MAP3K14: variants seen among roughly 807,000 people sequenced by gnomAD.
MAP3K14 encodes NF-kappa-beta-inducing kinase.
In MAP3K14, 16 loss-of-function variants were observed where a neutral mutation model predicts 99.2. The observed-to-expected ratio is 0.16, with a 90% CI of 0.11 to 0.24. MAP3K14 has a LOEUF of 0.24. MAP3K14 is among the 10% of genes least tolerant of loss of function. The pLI is 1.00. For synonymous variants in MAP3K14, 462 were observed against 492.4 expected (o/e 0.94, Z 0.82); for missense variants, 784 against 1,208.7 (o/e 0.65, Z 5.21).
At chr17:45,265,626 C>CA (rs1555635494) in intron 14 of MAP3K14, among the ~76,000 whole-genome samples, 1 of 151,960 alleles carries the variant, frequency 6.6e-6, no homozygotes, top group Non-Finnish European at 1.5e-5. Context: ...TTAGTAGAGA[C>CA]GGGGTTTCAC....
At chr17:45,269,087 G>A (rs932953153) in intron 11 of MAP3K14, among the ~76,000 whole-genome samples, 4 of 152,142 alleles carry the variant, frequency 2.6e-5, no homozygotes, top group African/African-American at 9.7e-5. Flanking sequence ...TGCAATCATG[G>A]CTCACTGCAG....
intron 1 of MAP3K14, among the ~76,000 whole-genome samples, chr17:45,310,424 G>A (rs1041505091): frequency 2.6e-5 from 4 of 152,140 alleles, no homozygotes; most frequent in African/African-American, 9.7e-5. Flanking sequence ...TCCCTAGTAT[G>A]GACCAGAAAC....
In MAP3K14 at chr17:45,286,469, G is replaced by A. The variant is rs1306875701; in HGVS notation, c.1114C>T (p.Pro372Ser). 4.4e-6 allele frequency: 7 copies of A among 1,602,008 alleles called. No homozygotes were observed. The highest frequency in any genetic ancestry group is 6.0e-6 in the Non-Finnish European group (7 of 1,173,142). ...ACACCCTCGTTGTCCTCAGTTTTGG[G>A]GCTGGGCTCCCGGGATCTGGAGCCC... ...ARGSRSREPSPKTEDNEGVLL... is the reference protein window; with the variant it reads ...ARGSRSREPSSKTEDNEGVLL... The change falls in exon 5 of 16, where the codon CCC (proline) becomes TCC (serine). Residue 372 changes from proline (P) to serine (S), a missense_variant. By Grantham distance (74) the Pro-to-Ser change is moderately conservative. This residue lies in a region of MAP3K14 where 138 missense variants were observed against 164.1 expected (regional missense o/e 0.84). Coordinates refer to ENST00000344686, the MANE Select transcript of MAP3K14 (RefSeq NM_003954.5). This position sits in a 1 kb window ranked among gnomAD's most constrained non-coding sequence, Gnocchi z 4.1.
At chr17:45,282,945 G>C (rs1004610417) in intron 6 of MAP3K14, among the ~76,000 whole-genome samples, 3 of 152,236 alleles carry the variant, frequency 2.0e-5, no homozygotes, top group African/African-American at 7.2e-5. Context: ...CATTCTCCGG[G>C]GTGGGAAGGA....
At chr17:45,299,011 G>A (rs964758658) in intron 1 of MAP3K14, among the ~76,000 whole-genome samples, 3 of 152,188 alleles carry the variant, frequency 2.0e-5, no homozygotes, top group Non-Finnish European at 4.4e-5. Flanking sequence ...ATGGCAAAAG[G>A]TAAGGCACAG....
rs756245783 is a variant in MAP3K14 at position 45,267,108 on chromosome 17, G to A, written c.2417C>T (p.Ser806Leu). 1.5e-5 allele frequency: 24 copies of A among 1,588,958 alleles called. No homozygotes were observed. The highest frequency in any genetic ancestry group is 2.0e-5 in the Non-Finnish European group (23 of 1,167,568). ...CCGACTCACCTTCTCACTGTCATCC[G>A]ACAGGGAGAGGCTGTCGATGCTGAG... ...SCLSIDSLSLSDDSEKNPSKA... is the reference protein window; with the variant it reads ...SCLSIDSLSLLDDSEKNPSKA... The change falls in exon 13 of 16, where the codon TCG becomes TTG. Residue 806 changes from serine to leucine, a missense_variant. This residue lies in a region of MAP3K14 where 130 missense variants were observed against 220.4 expected (regional missense o/e 0.59). Coordinates refer to ENST00000344686, the MANE Select transcript of MAP3K14 (RefSeq NM_003954.5). This position sits in a 1 kb window ranked among gnomAD's most constrained non-coding sequence, Gnocchi z 5.1.
In MAP3K14 at chr17:45,286,323, C is replaced by T; in HGVS notation, c.1152+108G>A. On this transcript the variant is annotated intron_variant, in intron 5 of 15. Coordinates refer to ENST00000344686, the MANE Select transcript of MAP3K14 (RefSeq NM_003954.5). The surrounding 1 kb of genome is among the most constrained non-coding windows in gnomAD (Gnocchi z 4.1). ...CTTTTCATCCACAATGAGCACTGTC[C>T]TACTGTTTGATTTGTCACCACAGGC... The T allele has an allele frequency of 7.7e-7, 1 of 1,298,356 alleles. No homozygotes were observed. Among genetic ancestry groups the T allele is most frequent in the Non-Finnish European group, 1.0e-6 (1 of 959,674 alleles). The allele number at this position is 1,298,356 out of a possible 1,614,324, so 80.4% of individuals were successfully genotyped here. A position where few individuals can be genotyped will look rare whatever the true frequency, so the allele number is the denominator to read the frequency against.
At chr17:45,313,474 T>C (rs2044500885) in intron 1 of MAP3K14, among the ~76,000 whole-genome samples, 1 of 152,096 alleles carries the variant, frequency 6.6e-6, no homozygotes, top group Admixed American at 6.6e-5. Context: ...CACCTGATGA[T>C]TAGAGAAGTG....
intron 1 of MAP3K14, among the ~76,000 whole-genome samples, chr17:45,307,888 G>A (rs530113376): frequency 6.6e-6 from 1 of 152,370 alleles, no homozygotes; most frequent in East Asian, 1.9e-4. Context: ...GTCCAGCTCC[G>A]CCCTGTGGCG....
chr17:45,297,633 A>G (rs2044355444), intron 1 of MAP3K14, among the ~76,000 whole-genome samples: 1 of 152,220 alleles, frequency 6.6e-6, no homozygotes, highest in African/African-American at 2.4e-5. Context: ...TAAATAGGAA[A>G]AAGAAACAAT....
chr17:45,277,229 T>G (rs1302395600), intron 6 of MAP3K14, among the ~76,000 whole-genome samples: 1 of 152,216 alleles, frequency 6.6e-6, no homozygotes, highest in Non-Finnish European at 1.5e-5. Flanking sequence ...TGTATACATG[T>G]GCCATGTTGG....
intron 11 of MAP3K14, among the ~76,000 whole-genome samples, chr17:45,269,416 C>G: frequency 6.6e-6 from 1 of 152,174 alleles, no homozygotes; most frequent in East Asian, 1.9e-4. Context: ...AACCCCATTT[C>G]TGGCACAGAA....
chr17:45,308,968 T>C (rs766955547), intron 1 of MAP3K14, among the ~76,000 whole-genome samples: 2 of 145,272 alleles, frequency 1.4e-5, no homozygotes, highest in Middle Eastern at 7.1e-3. Flanking sequence ...CGCCTGGCAA[T>C]GTCCAGCTAG....
intron 6 of MAP3K14, 144 bp from the exon 7 acceptor site, chr17:45,274,737 A>C: frequency 1.0e-6 from 1 of 972,104 alleles, no homozygotes; most frequent in Non-Finnish European, 1.5e-6. Flanking sequence ...GGCCTGCTGG[A>C]CCCTCAGAGG....
At chr17:45,310,141 C>G (rs1309537820) in intron 1 of MAP3K14, among the ~76,000 whole-genome samples, 1 of 146,644 alleles carries the variant, frequency 6.8e-6, no homozygotes, top group African/African-American at 2.5e-5. Context: ...TCAAGTGATT[C>G]TCCTACCCCA....
At chr17:45,285,874 C>G (rs1381199638) in intron 5 of MAP3K14, among the ~76,000 whole-genome samples, 24 of 151,118 alleles carry the variant, frequency 1.6e-4, no homozygotes, top group Non-Finnish European at 3.5e-4. Context: ...ATTGCTTGAA[C>G]CCAGGAGACG....
At position 45,263,861 on chromosome 17, in the gene MAP3K14, T is replaced by TG. The variant is rs1202438940; in HGVS notation, c.*774dup. On this transcript the variant is annotated 3_prime_UTR_variant, in exon 16 of 16. Transcript: ENST00000344686. ...TGAGGGAACTGAGTGCCAGCGAGTC[T>TG]GGGGCAGTGCTGGGCCTGAAGGGGC... The TG allele has an allele frequency of 6.6e-6, 1 of 152,416 alleles. No homozygotes were observed. The highest frequency in any genetic ancestry group is 1.9e-4 in the East Asian group (1 of 5,196). The allele number at this position is 152,416 out of a possible 1,614,324, so 9.4% of individuals were successfully genotyped here.
chr17:45,270,758 A>G (rs2044136738), intron 10 of MAP3K14, 195 bp from the exon 11 acceptor site: 2 of 870,562 alleles, frequency 2.3e-6, no homozygotes, highest in African/African-American at 1.7e-5. Flanking sequence ...AAAACAGGCC[A>G]GAGCCAGGCA....
At position 45,267,351 on chromosome 17, in the gene MAP3K14, G is replaced by A. The variant is rs543502251; in HGVS notation, c.2326+55C>T. On this transcript the variant is annotated intron_variant, in intron 12 of 15. Transcript: ENST00000344686. The surrounding 1 kb of genome is among the most constrained non-coding windows in gnomAD (Gnocchi z 5.1). ...CAGGTAAAGAGAAACACCGGCCTCC[G>A]CGGGTGGCCCAGGGCCAGTGCTCAG... 20 of 1,511,212 alleles carry A rather than the reference G, an allele frequency of 1.3e-5. No individual in the cohort carries two copies. The highest frequency in any genetic ancestry group is 1.2e-4 in the South Asian group (10 of 82,928). The allele number at this position is 1,511,212 out of a possible 1,614,324, so 93.6% of individuals were successfully genotyped here. A position where few individuals can be genotyped will look rare whatever the true frequency, so the allele number is the denominator to read the frequency against.
Sources: gnomAD v4.1 joint callset for allele counts (sites outside exome capture counted in the v4.1 genomes callset) on GRCh38, gnomAD v4.1.1 for gene constraint, gnomAD v4.1.1 regional missense constraint, Gnocchi (gnomAD v3.1) non-coding constraint, MANE v1.5 for transcripts, NCBI Gene and HGNC (gene_info 2026-07-23, HGNC 2026-07-21) for gene names.